HNF4G: variants seen among roughly 807,000 people sequenced by gnomAD.
The protein encoded by HNF4G is hepatocyte nuclear factor 4 gamma.
HNF4G carries 21 observed loss-of-function variants against 50.9 expected under a neutral mutation model. The ratio of observed to expected loss-of-function variants is 0.41; its 90% CI spans 0.29 to 0.59. The LOEUF is 0.59. Among genes scored for constraint, HNF4G ranks in the 20% least tolerant of loss-of-function variants. HNF4G has a pLI of 0.26. For missense variants in HNF4G, 527 were observed against 559.4 expected (o/e 0.94, Z 0.58); for synonymous variants, 198 against 185.6 (o/e 1.07, Z -0.54).
intron 1 of HNF4G, among the ~76,000 whole-genome samples, chr8:75,441,609 C>A (rs1331398856): frequency 1.3e-5 from 2 of 152,186 alleles, no homozygotes; most frequent in Non-Finnish European, 2.9e-5. Flanking sequence ...TACAGCAGAT[C>A]TTGATAACTG....
At chr8:75,425,607 T>TA (rs1810874982) in intron 1 of HNF4G, among the ~76,000 whole-genome samples, 2 of 148,216 alleles carry the variant, frequency 1.3e-5, no homozygotes, top group African/African-American at 4.9e-5. Context: ...TATATATTTT[T>TA]TATATATATA....
intron 1 of HNF4G, among the ~76,000 whole-genome samples, chr8:75,474,479 G>C (rs1246660789): frequency 6.6e-6 from 1 of 152,074 alleles, no homozygotes; most frequent in Non-Finnish European, 1.5e-5. Flanking sequence ...TTGTATGAAG[G>C]TTTTAGATTT....
chr8:75,409,451 A>G (rs546441207), intron 1 of HNF4G, among the ~76,000 whole-genome samples: 166 of 151,062 alleles, frequency 1.1e-3, no homozygotes, highest in Non-Finnish European at 1.9e-3. Context: ...TCATGCAAAT[A>G]ATAAGTATTT....
intron 1 of HNF4G, among the ~76,000 whole-genome samples, chr8:75,417,921 A>C (rs1255411617): frequency 1.3e-5 from 2 of 151,956 alleles, no homozygotes; most frequent in Non-Finnish European, 1.5e-5. Context: ...TTGCACGATA[A>C]ATTTTGAATA....
chr8:75,450,710 C>T (rs1292673224), intron 1 of HNF4G, among the ~76,000 whole-genome samples: 2 of 152,076 alleles, frequency 1.3e-5, no homozygotes, highest in African/African-American at 2.4e-5. Flanking sequence ...TTGAGTGTGT[C>T]CCCCAAAGTT....
chr8:75,425,375 C>T (rs1343952511), intron 1 of HNF4G, among the ~76,000 whole-genome samples: 3 of 151,520 alleles, frequency 2.0e-5, no homozygotes, highest in African/African-American at 4.8e-5. Context: ...TGAGCCACCG[C>T]GCCCAGCCCA....
intron 1 of HNF4G, among the ~76,000 whole-genome samples, chr8:75,445,231 C>T (rs879428858): frequency 0.028 from 2,549 of 92,608 alleles, 11 homozygotes; most frequent in Non-Finnish European, 0.039. Flanking sequence ...TTGAAACCAA[C>T]GAGAACAAAG....
chr8:75,528,205 G>C (rs775021875), intron 2 of HNF4G, among the ~76,000 whole-genome samples: 2 of 152,128 alleles, frequency 1.3e-5, no homozygotes, highest in Non-Finnish European at 2.9e-5. Flanking sequence ...TCCATGTCTT[G>C]GTACTAGTGG....
intron 1 of HNF4G, among the ~76,000 whole-genome samples, chr8:75,540,335 T>G (rs543778242): frequency 2.0e-5 from 3 of 152,314 alleles, no homozygotes; most frequent in African/African-American, 7.2e-5. Flanking sequence ...CATGGGCCAG[T>G]TAGACAGGTA....
chr8:75,447,688 A>T (rs1254805083), intron 1 of HNF4G, among the ~76,000 whole-genome samples: 1 of 152,040 alleles, frequency 6.6e-6, no homozygotes, highest in African/African-American at 2.4e-5. Context: ...AAAAATGCTC[A>T]TCATCACTGG....
intron 1 of HNF4G, among the ~76,000 whole-genome samples, chr8:75,488,142 A>G (rs1242106468): frequency 2.0e-5 from 3 of 152,208 alleles, no homozygotes; most frequent in Non-Finnish European, 4.4e-5. Flanking sequence ...CCTTGAGGGT[A>G]GGAACCATGC....
chr8:75,489,774 C>T (rs1812579405), intron 1 of HNF4G, among the ~76,000 whole-genome samples: 2 of 152,106 alleles, frequency 1.3e-5, no homozygotes, highest in South Asian at 2.1e-4. Flanking sequence ...AAAATCTGGC[C>T]AATAAATCTA....
At chr8:75,463,772 A>AT (rs373640826) in intron 1 of HNF4G, among the ~76,000 whole-genome samples, 8,560 of 115,516 alleles carry the variant, frequency 0.074, 337 homozygotes, top group African/African-American at 0.091. Flanking sequence ...GAATATGTTG[A>AT]TTTTTTTTTT....
chr8:75,506,847 T>TCAACAACAA (rs35739290), intron 2 of HNF4G, among the ~76,000 whole-genome samples: 191 of 151,266 alleles, frequency 1.3e-3, no homozygotes, highest in African/African-American at 4.4e-3. Context: ...TGGCAGATCA[T>TCAACAACAA]CAACAACAAC....
chr8:75,558,200 G>T (rs909953447), intron 6 of HNF4G, among the ~76,000 whole-genome samples: 14 of 152,322 alleles, frequency 9.2e-5, no homozygotes, highest in African/African-American at 3.1e-4. Flanking sequence ...GCTAATAGAT[G>T]TCTGACACAG....
intron 1 of HNF4G, among the ~76,000 whole-genome samples, chr8:75,484,062 C>T (rs1040865406): frequency 6.6e-6 from 1 of 151,996 alleles, no homozygotes; most frequent in African/African-American, 2.4e-5. Context: ...CTTTTCAGAA[C>T]GTAAATTTTT....
chr8:75,530,804 T>A (rs1196513943), intron 2 of HNF4G, among the ~76,000 whole-genome samples: 1 of 150,818 alleles, frequency 6.6e-6, no homozygotes, highest in Non-Finnish European at 1.5e-5. Flanking sequence ...CTTTTTTTTT[T>A]TTTTTTGAGA....
chr8:75,442,685 A>T (rs1811315388), intron 1 of HNF4G, among the ~76,000 whole-genome samples: 1 of 152,198 alleles, frequency 6.6e-6, no homozygotes, highest in Admixed American at 6.5e-5. Flanking sequence ...TCAGAAAAAT[A>T]ATTAAAAATT....
intron 1 of HNF4G, among the ~76,000 whole-genome samples, chr8:75,458,242 T>A (rs1010883608): frequency 6.6e-6 from 1 of 151,720 alleles, no homozygotes; most frequent in Non-Finnish European, 1.5e-5. Flanking sequence ...AGGAAATAGA[T>A]AAGAGAGGGT....
Sources: allele counts gnomAD v4.1 joint callset (sites outside exome capture counted in the v4.1 genomes callset), GRCh38; gene constraint gnomAD v4.1.1; transcripts MANE v1.5; gene names NCBI Gene and HGNC (gene_info 2026-07-23, HGNC 2026-07-21).